Variants in WDR70 observed in about 807,000 individuals in gnomAD.
WDR70 encodes WD repeat domain 70, also known as WD repeat-containing protein 70.
WDR70 carries 53 observed loss-of-function variants against 88.6 expected under a neutral mutation model. The observed-to-expected ratio is 0.60, with a 90% CI of 0.48 to 0.75. WDR70 has a LOEUF of 0.75. Among genes scored for constraint, WDR70 ranks in the 30% least tolerant of loss-of-function variants. WDR70 has a pLI of 0.00. For missense variants in WDR70, 610 were observed against 823.2 expected, an observed-to-expected ratio of 0.74 and a Z score of 3.17; for synonymous variants, 280 against 270.0, an observed-to-expected ratio of 1.04 and a Z score of -0.36.
At chr5:37,727,305 T>C (rs536532831) in intron 17 of WDR70, among the ~76,000 whole-genome samples, 39 of 152,162 alleles carry the variant, frequency 2.6e-4, no homozygotes, top group Non-Finnish European at 4.3e-4. Flanking sequence ...ATCCTGCCCA[T>C]GATTAAAACA....
chr5:37,723,178 A>G (rs1025375343), intron 15 of WDR70: 13 of 516,860 alleles, frequency 2.5e-5, no homozygotes, highest in Middle Eastern at 7.6e-4. Flanking sequence ...TTCGAGTCCA[A>G]TACATTACTT....
chr5:37,730,575 A>G (rs1268020143), intron 17 of WDR70, among the ~76,000 whole-genome samples: 1 of 152,140 alleles, frequency 6.6e-6, no homozygotes, highest in Non-Finnish European at 1.5e-5. Flanking sequence ...CGAATTTATC[A>G]TAGTTAATTC....
chr5:37,751,994 C>A (rs1257468281), intron 17 of WDR70, among the ~76,000 whole-genome samples: 1 of 152,136 alleles, frequency 6.6e-6, no homozygotes, highest in African/African-American at 2.4e-5. Flanking sequence ...GGCTCAAATT[C>A]ATTAGATAAG....
intron 10 of WDR70, among the ~76,000 whole-genome samples, chr5:37,681,996 G>A (rs980150893): frequency 6.6e-6 from 1 of 152,072 alleles, no homozygotes; most frequent in Non-Finnish European, 1.5e-5. Flanking sequence ...AGTATGTTTA[G>A]TAGGAATGGT....
At chr5:37,722,592 T>G in intron 14 of WDR70, 1 of 432,268 alleles carries the variant, frequency 2.3e-6, no homozygotes, top group Non-Finnish European at 4.2e-6. Context: ...TTCCTATAGG[T>G]TTTGTAAACT....
intron 8 of WDR70, among the ~76,000 whole-genome samples, chr5:37,497,460 C>CGTCTTCCCTTCCCTTCT (rs1463647334): frequency 1.4e-5 from 2 of 139,728 alleles, no homozygotes; most frequent in African/African-American, 2.7e-5. Flanking sequence ...CCTTTCCTTC[C>CGTCTTCCCTTCCCTTCT]GTCTTCCCTT....
At chr5:37,438,448 T>C (rs1317598627) in intron 6 of WDR70, among the ~76,000 whole-genome samples, 1 of 152,134 alleles carries the variant, frequency 6.6e-6, no homozygotes, top group Non-Finnish European at 1.5e-5. Flanking sequence ...ATGTTTATAT[T>C]GTTATATTTA....
intron 10 of WDR70, among the ~76,000 whole-genome samples, chr5:37,670,978 A>G (rs973040885): frequency 2.0e-5 from 3 of 152,222 alleles, no homozygotes; most frequent in African/African-American, 7.2e-5. Flanking sequence ...CAGGTCTCTA[A>G]AATCAGAGAA....
intron 9 of WDR70, among the ~76,000 whole-genome samples, chr5:37,573,914 C>A (rs1221055888): frequency 6.6e-6 from 1 of 152,084 alleles, no homozygotes; most frequent in Non-Finnish European, 1.5e-5. Flanking sequence ...TTGGAACATT[C>A]TTTGTTCTTG....
chr5:37,415,615 A>C (rs865977944), intron 5 of WDR70, among the ~76,000 whole-genome samples: 11 of 115,696 alleles, frequency 9.5e-5, no homozygotes, highest in South Asian at 2.9e-4. Context: ...CGAGGGGCTG[A>C]CCCCCCCCAC....
intron 10 of WDR70, among the ~76,000 whole-genome samples, chr5:37,651,750 T>C (rs1358674524): frequency 1.3e-5 from 2 of 152,248 alleles, no homozygotes; most frequent in Non-Finnish European, 2.9e-5. Context: ...GCCACATGAA[T>C]GTCTTCTTTT....
chr5:37,416,582 TC>T lies in WDR70; in HGVS notation c.492+20013del, dbSNP rs1369113662. ...GAGGGAGAGGGCTTGGGAGAGGGCT[TC>T]TTTTTTTTTTTTTTTTGAGATAGTT... On this transcript the variant is annotated intron_variant, in intron 5 of 17. Transcript: ENST00000265107. Among the ~76,000 whole-genome samples the T allele has an allele frequency of 2.7e-5, 4 of 145,540 alleles. No homozygotes were observed. The East Asian group carries it at 5.9e-4, about 22-fold the overall frequency.
Position 37,467,889 on chromosome 5 carries a change from T to A in WDR70, c.687-11945T>A, listed in dbSNP as rs111784858. Among the ~76,000 whole-genome samples, 1,313 of 152,162 alleles carry A rather than the reference T, an allele frequency of 8.6e-3. 23 individuals carry two copies. Among genetic ancestry groups the A allele is most frequent in the African/African-American group, 0.03 (1,242 of 41,504 alleles). ...GCCACCGCGCCCAGCTAATTTTTTG[T>A]ATTTTTAGTAGAGATGGGGTTTCAC... On this transcript the variant is annotated intron_variant, in intron 7 of 17. Transcript: ENST00000265107.
chr5:37,696,941 T>G (rs1319800008), intron 10 of WDR70, among the ~76,000 whole-genome samples: 1 of 152,218 alleles, frequency 6.6e-6, no homozygotes, highest in Non-Finnish European at 1.5e-5. Flanking sequence ...ATGAAGTATT[T>G]AAGAATAGTC....
At chr5:37,451,086 C>T (rs1022405538) in intron 7 of WDR70, among the ~76,000 whole-genome samples, 47 of 69,884 alleles carry the variant, frequency 6.7e-4, no homozygotes, top group East Asian at 1.3e-3. Context: ...TTAATAGAGT[C>T]GGGGTTTCTC....
chr5:37,728,952 A>G (rs1748064464), intron 17 of WDR70, among the ~76,000 whole-genome samples: 1 of 151,854 alleles, frequency 6.6e-6, no homozygotes, highest in South Asian at 2.1e-4. Flanking sequence ...CTTCTCCCAC[A>G]TTTTTTTATT....
chr5:37,712,461 T>A (rs1332652619), intron 13 of WDR70, among the ~76,000 whole-genome samples: 1 of 152,234 alleles, frequency 6.6e-6, no homozygotes, highest in African/African-American at 2.4e-5. Context: ...ATTTAAACTC[T>A]AGTGAATATA....
At chr5:37,696,163 GTGTC>G (rs750604245) in intron 10 of WDR70, among the ~76,000 whole-genome samples, 3 of 152,056 alleles carry the variant, frequency 2.0e-5, no homozygotes, top group Non-Finnish European at 2.9e-5. Context: ...GCTTAACTGA[GTGTC>G]TGCCATACAT....
chr5:37,389,553 AGGC>A (rs1191897616), intron 3 of WDR70, among the ~76,000 whole-genome samples: 5 of 151,992 alleles, frequency 3.3e-5, no homozygotes, highest in African/African-American at 1.2e-4. Flanking sequence ...CTGGGACTAC[AGGC>A]GGCTGCCACC....
Sources: allele counts gnomAD v4.1 joint callset (sites outside exome capture counted in the v4.1 genomes callset), GRCh38; gene constraint gnomAD v4.1.1; transcripts MANE v1.5; gene names NCBI Gene and HGNC (gene_info 2026-07-23, HGNC 2026-07-21).